C8A: variants seen among roughly 807,000 people sequenced by gnomAD.
The protein encoded by C8A is complement C8 alpha chain.
A neutral mutation model predicts 65.3 loss-of-function variants in C8A; 67 were observed. The ratio of observed to expected loss-of-function variants is 1.03; its 90% CI spans 0.84 to 1.26. The LOEUF is 1.26. C8A is among the 50% of genes most tolerant of loss of function. C8A has a pLI of 0.00. For missense variants in C8A, 781 were observed against 723.9 expected, an observed-to-expected ratio of 1.08 and a Z score of -0.90; for synonymous variants, 290 against 259.4, an observed-to-expected ratio of 1.12 and a Z score of -1.13.
At chr1:56,883,362 A>T in intron 5 of C8A, 119 bp from the exon 6 acceptor site, 1 of 842,226 alleles carries the variant, frequency 1.2e-6, no homozygotes, top group Non-Finnish European at 1.9e-6. Context: ...CTTATAAAAG[A>T]ATTACCTACC....
chr1:56,857,102 C>T (rs1196246713), intron 1 of C8A, among the ~76,000 whole-genome samples: 1 of 151,926 alleles, frequency 6.6e-6, no homozygotes, highest in Non-Finnish European at 1.5e-5. Flanking sequence ...ATTCCATATG[C>T]TCAAAAAAGT....
At chr1:56,901,073 TGTGA>T (rs1644423057) in intron 7 of C8A, among the ~76,000 whole-genome samples, 1 of 152,072 alleles carries the variant, frequency 6.6e-6, no homozygotes, top group African/African-American at 2.4e-5. Context: ...TTGGAAGAAG[TGTGA>T]GTTTTAAAGG....
chr1:56,873,555 C>A (rs1003280959), intron 2 of C8A, among the ~76,000 whole-genome samples: 3 of 152,136 alleles, frequency 2.0e-5, no homozygotes, highest in African/African-American at 7.2e-5. Flanking sequence ...TTAGCTCACC[C>A]ACCTCATTGC....
rs772353770 is a variant in C8A, at chr1:56,912,478, G to C, written c.1456G>C (p.Ala486Pro). Residue 486 changes from alanine to proline, a missense_variant, in exon 10 of 11, where the codon GCC becomes CCC. Ala to Pro is a conservative substitution (Grantham distance 27). Transcript: ENST00000361249. ...LEAKRQNLRR[A>P]LDQYLMEFNA... ...GGCCAAGCGCCAGAACCTGCGCCGC[G>C]CCTTGGACCAGTATCTGATGGAATT... is the stretch of plus-strand genomic sequence containing the variant. The C allele has an allele frequency of 6.2e-7, 1 of 1,614,080 alleles. No individual in the cohort carries two copies. The highest frequency in any genetic ancestry group is 8.5e-7 in the Non-Finnish European group (1 of 1,180,046).
rs867955095 is a variant in C8A, at chr1:56,917,924, G to A, written c.*208G>A. The A allele has an allele frequency of 1.7e-6, 1 of 572,648 alleles. No homozygotes were observed. The highest frequency in any genetic ancestry group is 3.1e-6 in the Non-Finnish European group (1 of 319,570). The allele number at this position is 572,648 out of a possible 1,614,324, so 35.5% of individuals were successfully genotyped here. Reference sequence around the variant, plus strand: ...ACTCAATCATTTTATTCAGCAACTGGATGTTGACTGTTAACTAGAAGCTCT... The same window carrying A: ...ACTCAATCATTTTATTCAGCAACTGAATGTTGACTGTTAACTAGAAGCTCT... On this transcript the variant is annotated 3_prime_UTR_variant, in exon 11 of 11. Coordinates refer to ENST00000361249, the MANE Select transcript of C8A (RefSeq NM_000562.3).
At chr1:56,912,646 C>T in intron 10 of C8A, 21 bp downstream of exon 10, 1 of 1,607,942 alleles carries the variant, frequency 6.2e-7, no homozygotes, top group Non-Finnish European at 8.5e-7. Flanking sequence ...TGCATCCCCA[C>T]CCAGTTCCAG....
At chr1:56,873,354 A>C (rs1209743136) in intron 2 of C8A, among the ~76,000 whole-genome samples, 1 of 152,182 alleles carries the variant, frequency 6.6e-6, no homozygotes, top group Non-Finnish European at 1.5e-5. Context: ...AGTCCTTTCA[A>C]GGGAAAATGC....
intron 4 of C8A, among the ~76,000 whole-genome samples, chr1:56,880,589 C>A (rs1252771518): frequency 1.3e-5 from 2 of 152,138 alleles, no homozygotes; most frequent in Non-Finnish European, 2.9e-5. Flanking sequence ...ATGTCCCATG[C>A]TGCCTCAAAG....
At chr1:56,915,031 G>A (rs1008491497) in intron 10 of C8A, among the ~76,000 whole-genome samples, 2 of 152,202 alleles carry the variant, frequency 1.3e-5, no homozygotes, top group African/African-American at 2.4e-5. Context: ...CCTGTAAAAT[G>A]AGATTATATT....
intron 5 of C8A, among the ~76,000 whole-genome samples, chr1:56,882,708 A>G (rs1570330028): frequency 6.6e-6 from 1 of 152,282 alleles, no homozygotes; most frequent in East Asian, 1.9e-4. Flanking sequence ...GAAGACATAA[A>G]CAACACCATG....
rs769032618 is a variant in C8A, at chr1:56,875,060, C to T, written c.283C>T (p.Gln95Ter). 15 of 1,613,536 alleles carry T rather than the reference C, an allele frequency of 9.3e-6. No individual in the cohort carries two copies. The South Asian group carries it at 1.6e-4, about 18-fold the overall frequency. ...TTCTACAACTTGTGTAAGGCAAGCACAGTGTGGACAGGATTTCCAGTGTAA... is the reference window on the plus strand; with the variant it reads ...TTCTACAACTTGTGTAAGGCAAGCATAGTGTGGACAGGATTTCCAGTGTAA... Reference protein sequence around the residue: ...SSSTTCVRQAQCGQDFQCKET... With the variant: ...SSSTTCVRQA The change falls in exon 3 of 11, where the codon CAG becomes TAG. Residue 95 changes from glutamine to a stop codon, truncating the protein, a stop_gained. Transcript: ENST00000361249. LOFTEE classifies it high-confidence loss of function.
At chr1:56,884,400 T>C (rs1032835070) in intron 6 of C8A, among the ~76,000 whole-genome samples, 4 of 152,180 alleles carry the variant, frequency 2.6e-5, no homozygotes, top group African/African-American at 9.7e-5. Context: ...GGAATATTTA[T>C]TGAATTAATT....
intron 9 of C8A, among the ~76,000 whole-genome samples, chr1:56,911,735 C>T (rs925371992): frequency 6.6e-6 from 1 of 152,196 alleles, no homozygotes; most frequent in Non-Finnish European, 1.5e-5. Flanking sequence ...GAATGGGTTG[C>T]ATCAGTTGTA....
intron 10 of C8A, among the ~76,000 whole-genome samples, chr1:56,916,903 C>T (rs2101321521): frequency 6.6e-6 from 1 of 152,312 alleles, no homozygotes; most frequent in East Asian, 1.9e-4. Flanking sequence ...TCTGCGGCTC[C>T]ATTGCCAGAA....
intron 1 of C8A, among the ~76,000 whole-genome samples, chr1:56,863,343 C>G (rs1027462270): frequency 6.6e-6 from 1 of 152,140 alleles, no homozygotes; most frequent in African/African-American, 2.4e-5. Context: ...AATGAATGGT[C>G]CTGGTGTACT....
intron 10 of C8A, among the ~76,000 whole-genome samples, chr1:56,914,797 C>T (rs534468792): frequency 6.6e-6 from 1 of 152,176 alleles, no homozygotes; most frequent in Non-Finnish European, 1.5e-5. Context: ...GCCCTGCCCC[C>T]ACCCTGAGTA....
intron 6 of C8A, among the ~76,000 whole-genome samples, chr1:56,885,345 AAT>A (rs1220886754): frequency 2.3e-4 from 22 of 95,786 alleles, no homozygotes; most frequent in Admixed American, 4.4e-4. Context: ...TATTTACATA[AAT>A]ATATATTTAT....
intron 7 of C8A, among the ~76,000 whole-genome samples, chr1:56,891,608 T>A (rs151212170): frequency 6.6e-6 from 1 of 152,132 alleles, no homozygotes; most frequent in East Asian, 1.9e-4. Context: ...AGATTTGGGA[T>A]GTATTTTGAA....
At chr1:56,880,848 A>T (rs944833640) in intron 4 of C8A, among the ~76,000 whole-genome samples, 1 of 152,192 alleles carries the variant, frequency 6.6e-6, no homozygotes, top group Non-Finnish European at 1.5e-5. Context: ...CTTTTTACAA[A>T]TGACTAAACC....
Sources: gnomAD v4.1 joint callset for allele counts (sites outside exome capture counted in the v4.1 genomes callset) on GRCh38, gnomAD v4.1.1 for gene constraint, MANE v1.5 for transcripts, NCBI Gene and HGNC (gene_info 2026-07-23, HGNC 2026-07-21) for gene names.